Variants in PGBD2 observed in about 807,000 individuals in gnomAD.
The protein encoded by PGBD2 is piggyBac transposable element-derived protein 2.
PGBD2 carries 6 observed loss-of-function variants against 8.1 expected under a neutral mutation model. The ratio of observed to expected loss-of-function variants is 0.74; its 90% CI spans 0.40 to 1.46. PGBD2 has a LOEUF of 1.46. Among genes scored for constraint, PGBD2 ranks in the 40% most tolerant of loss-of-function variants. The pLI is 0.02. For synonymous variants in PGBD2, 318 were observed against 272.2 expected, an observed-to-expected ratio of 1.17 and a Z score of -1.66; for missense variants, 802 against 739.0, an observed-to-expected ratio of 1.09 and a Z score of -0.99.
chr1:248,918,249 C>T lies in PGBD2; in HGVS notation c.1665C>T (p.Ile555=), dbSNP rs1259929697. ...SRFDMIGHWI[I]HQDKRTRCAL... ...TCGATATGATTGGGCACTGGATTAT[C>T]CATCAGGACAAGAGGACCCGGTGTG... is the stretch of plus-strand genomic sequence containing the variant. Residue 555 remains isoleucine (I), a synonymous_variant, in exon 3 of 3, where the codon ATC becomes ATT. Coordinates refer to ENST00000329291, the MANE Select transcript of PGBD2 (RefSeq NM_170725.3). The T allele has an allele frequency of 6.2e-7, 1 of 1,613,744 alleles. No homozygotes were observed. Among genetic ancestry groups the T allele is most frequent in the Non-Finnish European group, 8.5e-7 (1 of 1,179,868 alleles).
chr1:248,886,306 A>G, the PGBD2 span, among the ~76,000 whole-genome samples: 2 of 152,348 alleles, frequency 1.3e-5, no homozygotes, highest in South Asian at 4.1e-4. Flanking sequence ...TCATAGAAAT[A>G]TCATTATCTA....
intron 1 of PGBD2, among the ~76,000 whole-genome samples, chr1:248,908,771 C>G (rs35373982): frequency 6.6e-6 from 1 of 151,900 alleles, no homozygotes; most frequent in Non-Finnish European, 1.5e-5. Context: ...CTGGTACAGC[C>G]TCTTGTACCC....
the PGBD2 span, among the ~76,000 whole-genome samples, chr1:248,896,246 C>G: frequency 0.061 from 9,345 of 152,120 alleles, 488 homozygotes; most frequent in East Asian, 0.2. Context: ...GCCGTTGACT[C>G]AAATTGGAAT....
chr1:248,924,761 T>C (rs1459087367), downstream of PGBD2, among the ~76,000 whole-genome samples: 3 of 152,230 alleles, frequency 2.0e-5, no homozygotes, highest in Admixed American at 6.5e-5. Flanking sequence ...GTGAGCACCA[T>C]GTAGCTGATG....
At chr1:248,893,662 C>T in the PGBD2 span, among the ~76,000 whole-genome samples, 1 of 152,144 alleles carries the variant, frequency 6.6e-6, no homozygotes, top group African/African-American at 2.4e-5. Flanking sequence ...TGGGTTGTTT[C>T]CATATCTTGG....
the PGBD2 span, among the ~76,000 whole-genome samples, chr1:248,896,035 C>T: frequency 9.9e-5 from 15 of 152,100 alleles, no homozygotes; most frequent in East Asian, 1.9e-4. Flanking sequence ...TCCCCCGCCC[C>T]GAGTCCCAGA....
At chr1:248,915,757 T>C (rs1234808083) in intron 2 of PGBD2, among the ~76,000 whole-genome samples, 1 of 152,214 alleles carries the variant, frequency 6.6e-6, no homozygotes, top group African/African-American at 2.4e-5. Context: ...GCAAGGGAGC[T>C]ATCTGAAAAT....
Position 248,917,795 on chromosome 1 carries a change from A to G in PGBD2, c.1211A>G (p.Glu404Gly), listed in dbSNP as rs966710377. 4 of 1,614,118 alleles carry G rather than the reference A, an allele frequency of 2.5e-6. No homozygotes were observed. In the African/African-American group the frequency reaches 5.3e-5, roughly 22 times the overall value. Residue 404 changes from glutamate (E) to glycine (G), a missense_variant, in exon 3 of 3, where the codon GAG (glutamate) becomes GGG (glycine). Glu to Gly is a moderately conservative substitution (Grantham distance 98, BLOSUM62 -2). Transcript: ENST00000329291. ...GGTTCATTTGATTACAAAGTCGATG[A>G]GAGTGAGGAGATCATCGTGTGCCGC... Reference protein sequence around the residue: ...KRGSFDYKVDESEEIIVCRWH... With the variant: ...KRGSFDYKVDGSEEIIVCRWH...
chr1:248,874,233 T>G, the PGBD2 span, among the ~76,000 whole-genome samples: 6 of 152,226 alleles, frequency 3.9e-5, no homozygotes, highest in Middle Eastern at 3.2e-3. Context: ...TATTGCTAAA[T>G]GACGCATCAT....
the PGBD2 span, among the ~76,000 whole-genome samples, chr1:248,896,632 C>T: frequency 6.6e-6 from 1 of 152,080 alleles, no homozygotes; most frequent in Non-Finnish European, 1.5e-5. Flanking sequence ...CTCCCTCCTA[C>T]AAAAAACTTT....
the PGBD2 span, among the ~76,000 whole-genome samples, chr1:248,890,028 A>G: frequency 6.6e-6 from 1 of 151,618 alleles, no homozygotes; most frequent in African/African-American, 2.4e-5. Flanking sequence ...CCCGGGTTCA[A>G]GTGATTCTCC....
downstream of PGBD2, among the ~76,000 whole-genome samples, chr1:248,923,125 C>T (rs1305681701): frequency 1.3e-5 from 2 of 152,176 alleles, no homozygotes; most frequent in African/African-American, 4.8e-5. Flanking sequence ...ATTACAGTCT[C>T]AATTTCAGAA....
At chr1:248,882,526 C>T in the PGBD2 span, among the ~76,000 whole-genome samples, 34 of 152,268 alleles carry the variant, frequency 2.2e-4, no homozygotes, top group African/African-American at 7.7e-4. Context: ...GCTAGACAAT[C>T]GGTTAGACCA....
At chr1:248,898,269 C>T in the PGBD2 span, among the ~76,000 whole-genome samples, 3 of 152,198 alleles carry the variant, frequency 2.0e-5, no homozygotes, top group Admixed American at 2.0e-4. Context: ...AATCCTATCC[C>T]TCCTGACTGA....
rs771173614 is a variant in PGBD2 at position 248,916,821 on chromosome 1, C to T, written c.237C>T (p.Val79=). Residue 79 remains valine (V), a synonymous_variant, in exon 3 of 3, where the codon GTC becomes GTT. Transcript: ENST00000329291. ...CTGGCAGTGTGCTGCATGCTTCAGTCCTGTGTGAGGACTCTGGCACCGGGG... is the reference window on the plus strand; with the variant it reads ...CTGGCAGTGTGCTGCATGCTTCAGTTCTGTGTGAGGACTCTGGCACCGGGG... ...HLPGSVLHAS[V]LCEDSGTGED... 6.2e-7 allele frequency: 1 copy of T among 1,614,134 alleles called. No homozygotes were observed. The highest frequency in any genetic ancestry group is 1.3e-5 in the African/African-American group (1 of 75,022).
In PGBD2 at chr1:248,918,530, T is replaced by G; in HGVS notation, c.*167T>G. 1 of 507,186 alleles carries G rather than the reference T, an allele frequency of 2.0e-6. No homozygotes were observed. Among genetic ancestry groups the G allele is most frequent in the Non-Finnish European group, 3.4e-6 (1 of 291,168 alleles). 31.4% of individuals were successfully genotyped at this position (507,186 alleles called of 1,614,324 possible). ...CAGTTATCTTTTTTATTGTGTTGTG[T>G]TATGCCTACATGTGATATAAATTAA... On this transcript the variant is annotated 3_prime_UTR_variant, in exon 3 of 3. Transcript: ENST00000329291.
chr1:248,889,861 AAG>A, the PGBD2 span, among the ~76,000 whole-genome samples: 4 of 141,966 alleles, frequency 2.8e-5, no homozygotes, highest in Non-Finnish European at 5.9e-5. Flanking sequence ...AGGCAAAACA[AAG>A]AGTCACAGAA....
chr1:248,879,643 T>C, the PGBD2 span, among the ~76,000 whole-genome samples: 12 of 152,156 alleles, frequency 7.9e-5, no homozygotes, highest in African/African-American at 2.7e-4. Context: ...TAAGCAATCT[T>C]CTCACTTCAG....
At chr1:248,880,798 G>A in the PGBD2 span, among the ~76,000 whole-genome samples, 1 of 152,126 alleles carries the variant, frequency 6.6e-6, no homozygotes, top group African/African-American at 2.4e-5. Flanking sequence ...CCCTTCTGAT[G>A]ACCATCGGAC....
Sources: allele counts gnomAD v4.1 joint callset (sites outside exome capture counted in the v4.1 genomes callset), GRCh38; gene constraint gnomAD v4.1.1; transcripts MANE v1.5; gene names NCBI Gene and HGNC (gene_info 2026-07-23, HGNC 2026-07-21).